ITGB5: variants seen among roughly 807,000 people sequenced by gnomAD.
The protein encoded by ITGB5 is integrin beta-5.
Under a neutral mutation model 84.8 loss-of-function variants are expected in ITGB5, and 38 were observed. The ratio of observed to expected loss-of-function variants is 0.45; its 90% CI spans 0.35 to 0.59. The LOEUF (loss-of-function observed/expected upper bound fraction) is 0.59. ITGB5 is among the 20% of genes least tolerant of loss of function. The pLI, the probability that ITGB5 is intolerant of heterozygous loss-of-function variation, is 0.01. For missense variants in ITGB5, 905 were observed against 1,034.5 expected, an observed-to-expected ratio of 0.87 and a Z score of 1.72; for synonymous variants, 393 against 414.4, an observed-to-expected ratio of 0.95 and a Z score of 0.63.
chr3:124,854,511 C>A (rs1482615307), intron 3 of ITGB5, among the ~76,000 whole-genome samples: 1 of 152,144 alleles, frequency 6.6e-6, no homozygotes, highest in African/African-American at 2.4e-5. Context: ...GCTAAAAGAC[C>A]CACACATTTT....
At chr3:124,783,274 G>C (rs750660500) in intron 10 of ITGB5, among the ~76,000 whole-genome samples, 7 of 131,006 alleles carry the variant, frequency 5.3e-5, no homozygotes, top group Non-Finnish European at 7.7e-5. Context: ...CTGGGCAACA[G>C]AGCGAGACTC....
chr3:124,878,289 C>T (rs1934415497), intron 1 of ITGB5, among the ~76,000 whole-genome samples: 1 of 152,198 alleles, frequency 6.6e-6, no homozygotes, highest in South Asian at 2.1e-4. Flanking sequence ...GAGCTCTGGT[C>T]TTCTGGTCCA....
At chr3:124,842,990 G>A (rs994092000) in intron 4 of ITGB5, among the ~76,000 whole-genome samples, 12 of 152,140 alleles carry the variant, frequency 7.9e-5, no homozygotes, top group African/African-American at 2.2e-4. Flanking sequence ...TGATAGTCGC[G>A]CTCTCCCTCT....
chr3:124,879,140 C>G (rs972959203), intron 1 of ITGB5, among the ~76,000 whole-genome samples: 1 of 152,172 alleles, frequency 6.6e-6, no homozygotes, highest in Non-Finnish European at 1.5e-5. Context: ...CTAAGCCAAC[C>G]CTTCCTGTCT....
chr3:124,834,948 A>G (rs2064912406), intron 5 of ITGB5, among the ~76,000 whole-genome samples: 1 of 152,124 alleles, frequency 6.6e-6, no homozygotes. Flanking sequence ...AGCAAGAAGG[A>G]GCCTCTGACT....
chr3:124,863,970 A>T (rs1441313413), intron 2 of ITGB5, among the ~76,000 whole-genome samples: 2 of 134,144 alleles, frequency 1.5e-5, no homozygotes, highest in African/African-American at 5.0e-5. Flanking sequence ...AGTTTAAGGT[A>T]AAAAAAGAAA....
At chr3:124,811,901 G>A (rs144904761) in intron 8 of ITGB5, among the ~76,000 whole-genome samples, 1 of 152,258 alleles carries the variant, frequency 6.6e-6, no homozygotes, top group Non-Finnish European at 1.5e-5. Context: ...CCACCCCAGG[G>A]CTCTTTCTAA....
chr3:124,806,582 C>T (rs1373813445), intron 9 of ITGB5, among the ~76,000 whole-genome samples: 5 of 151,746 alleles, frequency 3.3e-5, no homozygotes, highest in Admixed American at 2.6e-4. Context: ...TACAGGTACC[C>T]GCCATCACTC....
At chr3:124,887,748 C>A (rs1345878972), upstream of ITGB5, 1 of 446,566 alleles carries the variant, frequency 2.2e-6, no homozygotes, top group Non-Finnish European at 4.5e-6. Context: ...AGAGGGAGAG[C>A]AGGTACGGGG....
At chr3:124,840,752 C>T (rs577606808) in intron 5 of ITGB5, among the ~76,000 whole-genome samples, 1 of 152,238 alleles carries the variant, frequency 6.6e-6, no homozygotes, top group East Asian at 1.9e-4. Context: ...GCAACCTCCG[C>T]CTCCTGGTTC....
At chr3:124,875,391 C>A (rs1934260929) in intron 1 of ITGB5, among the ~76,000 whole-genome samples, 1 of 149,234 alleles carries the variant, frequency 6.7e-6, no homozygotes, top group Non-Finnish European at 1.5e-5. Context: ...GCACGAGAAT[C>A]ACTTGAACCC....
chr3:124,835,283 C>A (rs3772841), intron 5 of ITGB5, among the ~76,000 whole-genome samples: 127,341 of 152,238 alleles, frequency 0.84, 53,357 homozygotes, highest in East Asian at 0.92. Context: ...AAGGCAGAGC[C>A]AGGAAACCAC....
chr3:124,848,267 C>G lies in ITGB5; in HGVS notation c.611+42G>C, dbSNP rs2065103181. The G allele has an allele frequency of 1.3e-5, 20 of 1,596,880 alleles. No individual in the cohort carries two copies. In the East Asian group the frequency reaches 4.0e-4, roughly 32 times the overall value. ...CTAAATTTTCCTGCTTCTCCATTCTCCCACCCTTAAGTACCCAACAGAAGG... is the reference window on the plus strand; with the variant it reads ...CTAAATTTTCCTGCTTCTCCATTCTGCCACCCTTAAGTACCCAACAGAAGG... On this transcript the variant is annotated intron_variant, in intron 4 of 14. Coordinates refer to ENST00000296181, the MANE Select transcript of ITGB5 (RefSeq NM_002213.5).
At chr3:124,766,092 G>A in intron 13 of ITGB5, 134 bp downstream of exon 13, 1 of 708,528 alleles carries the variant, frequency 1.4e-6, no homozygotes, top group Non-Finnish European at 2.3e-6. Context: ...AGAAGAAATT[G>A]TATCCCTCCT....
chr3:124,788,180 G>T (rs1054646833), intron 10 of ITGB5, among the ~76,000 whole-genome samples: 5 of 152,168 alleles, frequency 3.3e-5, no homozygotes, highest in Non-Finnish European at 5.9e-5. Context: ...TAGGGTTACA[G>T]GTGTGAGCCA....
intron 1 of ITGB5, among the ~76,000 whole-genome samples, chr3:124,876,834 T>C (rs955095624): frequency 6.6e-6 from 1 of 152,118 alleles, no homozygotes; most frequent in African/African-American, 2.4e-5. Flanking sequence ...GGGCCAAATG[T>C]GGACGAAGAA....
chr3:124,809,200 T>A, intron 8 of ITGB5, 44 bp from the exon 9 acceptor site: 1 of 1,610,098 alleles, frequency 6.2e-7, no homozygotes, highest in Non-Finnish European at 8.5e-7. Context: ...TAATAAAGGC[T>A]GTGGCTGAGG....
chr3:124,877,673 G>A (rs1455056870), intron 1 of ITGB5, among the ~76,000 whole-genome samples: 1 of 152,094 alleles, frequency 6.6e-6, no homozygotes, highest in East Asian at 1.9e-4. Flanking sequence ...GTCAGACGGG[G>A]TCCTGACCAG....
At chr3:124,851,227 G>C (rs1174408567) in intron 3 of ITGB5, among the ~76,000 whole-genome samples, 1 of 152,178 alleles carries the variant, frequency 6.6e-6, no homozygotes, top group Non-Finnish European at 1.5e-5. Flanking sequence ...AAGGACTAGG[G>C]AGAACTCAGG....
Sources: gnomAD v4.1 joint callset for allele counts (sites outside exome capture counted in the v4.1 genomes callset) on GRCh38, gnomAD v4.1.1 for gene constraint, MANE v1.5 for transcripts, NCBI Gene and HGNC (gene_info 2026-07-23, HGNC 2026-07-21) for gene names.